The following KPNA1 variants were observed in gnomAD, a reference collection of about 807,000 sequenced individuals.
KPNA1 encodes the protein karyopherin subunit alpha 1, also known as importin subunit alpha-5.
In KPNA1, 10 loss-of-function variants were observed where a neutral mutation model predicts 70.5. That is an observed-to-expected ratio of 0.14 (90% CI 0.09 to 0.24). The LOEUF is 0.24. KPNA1 is among the 10% of genes least tolerant of loss of function. KPNA1 has a pLI of 1.00. For synonymous variants in KPNA1, 192 were observed against 221.9 expected (o/e 0.87, Z 1.20); for missense variants, 397 against 637.9 (o/e 0.62, Z 4.07).
chr3:122,429,031 G>A (rs2075862015), intron 12 of KPNA1, among the ~76,000 whole-genome samples: 1 of 152,080 alleles, frequency 6.6e-6, no homozygotes, highest in Admixed American at 6.5e-5. Context: ...ATACCAAGTG[G>A]ATTTATTCCA....
At chr3:122,460,656 A>G in intron 5 of KPNA1, 1 of 803,982 alleles carries the variant, frequency 1.2e-6, no homozygotes, top group Non-Finnish European at 1.5e-6. Flanking sequence ...AAGAAAAAAA[A>G]AAAAAAGAAA....
intron 2 of KPNA1, among the ~76,000 whole-genome samples, chr3:122,477,987 C>A (rs1267601414): frequency 1.3e-5 from 2 of 151,224 alleles, no homozygotes; most frequent in Non-Finnish European, 2.9e-5. Flanking sequence ...CATGGTGAAA[C>A]CCCGTCTCTA....
intron 12 of KPNA1, among the ~76,000 whole-genome samples, chr3:122,431,808 T>TC (rs568716865): frequency 6.6e-6 from 1 of 151,044 alleles, no homozygotes; most frequent in Non-Finnish European, 1.5e-5. Flanking sequence ...TCTTCTTCTT[T>TC]TTTTTTTTTT....
chr3:122,462,965 G>A (rs2076340642), intron 4 of KPNA1, among the ~76,000 whole-genome samples: 2 of 152,240 alleles, frequency 1.3e-5, no homozygotes, highest in Non-Finnish European at 2.9e-5. Context: ...GCTCATGCCT[G>A]TAATCCCAGT....
At position 122,507,959 on chromosome 3, in the gene KPNA1, G is replaced by T; in HGVS notation, c.-6+6798C>A. ...AATCAGGAATTAGCACATATAGACT[G>T]CACTTTTCTTCCCATATCATATTAA... On this transcript the variant is annotated intron_variant, in intron 1 of 13. Transcript: ENST00000344337. Among the ~76,000 whole-genome samples the T allele has an allele frequency of 1.3e-5, 2 of 152,032 alleles. 1 individual carries two copies. Among genetic ancestry groups the T allele is most frequent in the Non-Finnish European group, 2.9e-5 (2 of 68,024 alleles).
At chr3:122,512,553 G>A (rs1308023137) in intron 1 of KPNA1, among the ~76,000 whole-genome samples, 1 of 152,006 alleles carries the variant, frequency 6.6e-6, no homozygotes, top group Non-Finnish European at 1.5e-5. Context: ...GAAACCACCC[G>A]TCTCTACTAA....
intron 11 of KPNA1, among the ~76,000 whole-genome samples, chr3:122,435,835 C>T (rs1446017490): frequency 2.0e-5 from 3 of 152,052 alleles, no homozygotes; most frequent in Admixed American, 2.0e-4. Context: ...GGATGTATGT[C>T]GCCTCAGGAC....
At position 122,424,878 on chromosome 3, in the gene KPNA1, AAAG is replaced by A; in HGVS notation, c.*2104_*2106del. On this transcript the variant is annotated 3_prime_UTR_variant, in exon 14 of 14. Coordinates refer to ENST00000344337, the MANE Select transcript of KPNA1 (RefSeq NM_002264.4). ...AATCAGTGCTTCTATTATCCTTCTGAAAGAAGTTATATTTTAATGTGATGTAAA... is the reference window on the plus strand; with the variant it reads ...AATCAGTGCTTCTATTATCCTTCTGAAAGTTATATTTTAATGTGATGTAAA... The A allele has an allele frequency of 6.5e-6, 1 of 152,676 alleles. No homozygotes were observed. The highest frequency in any genetic ancestry group is 1.9e-4 in the East Asian group (1 of 5,204). 9.5% of individuals were successfully genotyped at this position (152,676 alleles called of 1,614,324 possible). A position where few individuals can be genotyped will look rare whatever the true frequency, so the allele number is the denominator to read the frequency against.
At chr3:122,491,177 A>G (rs2076694057) in intron 2 of KPNA1, among the ~76,000 whole-genome samples, 1 of 152,216 alleles carries the variant, frequency 6.6e-6, no homozygotes, top group Admixed American at 6.5e-5. Context: ...ACAGTTATTT[A>G]AAACATTTAC....
chr3:122,500,892 CTA>C (rs1314449424), intron 1 of KPNA1, among the ~76,000 whole-genome samples: 1 of 151,718 alleles, frequency 6.6e-6, no homozygotes, highest in Non-Finnish European at 1.5e-5. Context: ...TTCCTATTCT[CTA>C]TGTCATTAAT....
chr3:122,467,186 T>C (rs911289116), intron 3 of KPNA1, 136 bp downstream of exon 3: 1 of 442,780 alleles, frequency 2.3e-6, no homozygotes, highest in Non-Finnish European at 4.0e-6. Context: ...TAATGAACCA[T>C]GAGATTAAGC....
At chr3:122,473,792 G>C (rs73190134) in intron 2 of KPNA1, among the ~76,000 whole-genome samples, 34,072 of 152,054 alleles carry the variant, frequency 0.22, 4,243 homozygotes, top group Non-Finnish European at 0.27. Flanking sequence ...CTAAGATCAG[G>C]AGCAAGACAA....
At chr3:122,466,448 A>T (rs1383125931) in intron 3 of KPNA1, among the ~76,000 whole-genome samples, 3 of 151,820 alleles carry the variant, frequency 2.0e-5, no homozygotes, top group South Asian at 2.1e-4. Context: ...TTTTCTTTTT[A>T]AAAAAACTGT....
chr3:122,466,054 A>C (rs1488984078), intron 3 of KPNA1, among the ~76,000 whole-genome samples: 2 of 152,202 alleles, frequency 1.3e-5, no homozygotes, highest in African/African-American at 2.4e-5. Context: ...AAAATTGGAA[A>C]GACTGGCTTT....
Position 122,423,827 on chromosome 3 carries a change from A to G in KPNA1, c.*3158T>C, listed in dbSNP as rs1247479146. ...CTTTTTATCTGTGACGATAATGCCA[A>G]AAATGACTCAGAGCCAATAACCTTC... On this transcript the variant is annotated 3_prime_UTR_variant, in exon 14 of 14. Transcript: ENST00000344337. The G allele has an allele frequency of 6.6e-6, 1 of 152,668 alleles. No homozygotes were observed. Among genetic ancestry groups the G allele is most frequent in the African/African-American group, 2.4e-5 (1 of 41,464 alleles). 9.5% of individuals were successfully genotyped at this position (152,668 alleles called of 1,614,324 possible).
chr3:122,422,460 C>T lies in KPNA1; in HGVS notation c.*4525G>A, dbSNP rs914173024. 1 of 151,994 alleles carries T rather than the reference C, an allele frequency of 6.6e-6. No homozygotes were observed. Among genetic ancestry groups the T allele is most frequent in the African/African-American group, 2.4e-5 (1 of 41,366 alleles). 9.4% of individuals were successfully genotyped at this position (151,994 alleles called of 1,614,324 possible). A position where few individuals can be genotyped will look rare whatever the true frequency, so the allele number is the denominator to read the frequency against. The stretch of plus-strand genomic sequence containing the variant: ...AGGGCCTACACTCCAGTCTGTGTAA[C>T]CTAAAAGCAACTTAAGCCTGATTTC... On this transcript the variant is annotated 3_prime_UTR_variant, in exon 14 of 14. Coordinates refer to ENST00000344337, the MANE Select transcript of KPNA1 (RefSeq NM_002264.4).
At position 122,427,687 on chromosome 3, in the gene KPNA1, G is replaced by A. The variant is rs766681413; in HGVS notation, c.1280C>T (p.Pro427Leu). The change falls in exon 13 of 14, where the codon CCG (proline) becomes CTG (leucine). Residue 427 changes from proline (P) to leucine (L), a missense_variant. Transcript: ENST00000344337. ...CATGACCGTGAGGAGATCACAGAGC[G>A]GCTTGATACAACCCAGTTCTACTAG... ...KYLVELGCIK[P>L]LCDLLTVMDS... The A allele has an allele frequency of 6.2e-7, 1 of 1,608,566 alleles. No homozygotes were observed. The highest frequency in any genetic ancestry group is 8.5e-7 in the Non-Finnish European group (1 of 1,176,876).
At chr3:122,480,627 A>G (rs1300919496) in intron 2 of KPNA1, among the ~76,000 whole-genome samples, 2 of 152,054 alleles carry the variant, frequency 1.3e-5, no homozygotes, top group African/African-American at 4.8e-5. Flanking sequence ...AGACCATCGG[A>G]AACAGTAATA....
At chr3:122,514,419 T>TC (rs1418300767) in intron 1 of KPNA1, 1 of 102,830 alleles carries the variant, frequency 9.7e-6, no homozygotes, top group Admixed American at 1.2e-4. Context: ...GCTCGCCTCC[T>TC]CTCCGCCCGC....
Sources: gnomAD v4.1 joint callset for allele counts (sites outside exome capture counted in the v4.1 genomes callset) on GRCh38, gnomAD v4.1.1 for gene constraint, MANE v1.5 for transcripts, NCBI Gene and HGNC (gene_info 2026-07-23, HGNC 2026-07-21) for gene names.